Variants in F8 observed in about 807,000 individuals in gnomAD.
F8 encodes coagulation factor VIII.
F8 carries 12 observed loss-of-function variants against 140.6 expected under a neutral mutation model. That is an observed-to-expected ratio of 0.09 (90% CI 0.05 to 0.14). The LOEUF (loss-of-function observed/expected upper bound fraction) is 0.14. F8 is among the 10% of genes least tolerant of loss of function. The probability of loss-of-function intolerance (pLI) is 1.00; values close to 1 mark genes in which losing one functional copy is unlikely to be tolerated. For synonymous variants in F8, 585 were observed against 614.6 expected, an observed-to-expected ratio of 0.95 and a Z score of 0.71; for missense variants, 1,354 against 1,720.7, an observed-to-expected ratio of 0.79 and a Z score of 3.77.
At chrX:154,873,937 A>ATT (rs1314723717) in intron 22 of F8, among the ~76,000 whole-genome samples, 1 of 112,185 alleles carries the variant, frequency 8.9e-6, no homozygotes, top group East Asian at 2.8e-4. Context: ...TTGGGCAATA[A>ATT]TTTTTTTATA....
At chrX:155,009,515 T>A (rs1183605650) in intron 1 of F8, among the ~76,000 whole-genome samples, 1 of 110,798 alleles carries the variant, frequency 9.0e-6, no homozygotes, top group Non-Finnish European at 1.9e-5. Context: ...GGCGGGAGGA[T>A]CACCTGAGGT....
intron 4 of F8, among the ~76,000 whole-genome samples, chrX:154,989,989 T>G (rs782103745): frequency 8.9e-6 from 1 of 112,459 alleles, no homozygotes; most frequent in South Asian, 3.7e-4. Context: ...GATTACAGAT[T>G]TGTACTACTT....
intron 6 of F8, among the ~76,000 whole-genome samples, chrX:154,976,888 T>G (rs1303149135): frequency 4.5e-5 from 5 of 111,782 alleles, no homozygotes; most frequent in African/African-American, 1.6e-4. Flanking sequence ...TTCAAGGTAA[T>G]TTTTGATAGG....
chrX:154,841,208 C>CTTTTTTTTT (rs1168917544), intron 25 of F8, among the ~76,000 whole-genome samples: 6 of 48,657 alleles, frequency 1.2e-4, no homozygotes, highest in African/African-American at 3.9e-4. Flanking sequence ...TTGCTTTCTT[C>CTTTTTTTTT]TTTTTTTTTT....
intron 5 of F8, among the ~76,000 whole-genome samples, chrX:154,985,056 T>C (rs1338988568): frequency 8.9e-6 from 1 of 112,395 alleles, no homozygotes; most frequent in Non-Finnish European, 1.9e-5. Flanking sequence ...GAATGGATAA[T>C]AATAGAAGAC....
At chrX:154,941,015 G>A (rs1024636789) in intron 13 of F8, among the ~76,000 whole-genome samples, 3 of 112,002 alleles carry the variant, frequency 2.7e-5, no homozygotes, top group African/African-American at 9.8e-5. Context: ...TCTGAAGGAA[G>A]CACTAAACAT....
chrX:154,860,088 T>A (rs782760965), intron 25 of F8, among the ~76,000 whole-genome samples: 1 of 111,869 alleles, frequency 8.9e-6, no homozygotes, highest in Non-Finnish European at 1.9e-5. Flanking sequence ...CTTTATGTCA[T>A]GTCTTTTAAT....
In F8 at chrX:154,909,616, A is replaced by G. The variant is rs1049972195; in HGVS notation, c.5220-3043T>C. 3.4e-5 allele frequency: 4 copies of G among 117,842 alleles called. No homozygotes were observed. In the South Asian group the frequency reaches 1.3e-3, roughly 39 times the overall value. 9.7% of individuals were successfully genotyped at this position (117,842 alleles called of 1,213,427 possible). On this transcript the variant is annotated intron_variant, in intron 14 of 25. Transcript: ENST00000360256. ...GTGTGTAAACCAGAAGGGCATGCTC[A>G]TGGGTCTGCCCGTTCTTAAAGATAC...
chrX:154,927,336 G>C (rs1428167648), intron 14 of F8, among the ~76,000 whole-genome samples: 2 of 111,665 alleles, frequency 1.8e-5, no homozygotes, highest in Admixed American at 9.5e-5. Context: ...ATCTAGTGGA[G>C]AGATAAATTG....
chrX:154,848,546 A>G (rs997977333), intron 25 of F8, among the ~76,000 whole-genome samples: 2 of 112,332 alleles, frequency 1.8e-5, no homozygotes, highest in Non-Finnish European at 3.8e-5. Flanking sequence ...CTGCTGTGCT[A>G]GCAATGAGCG....
chrX:154,918,458 G>A (rs782488423), intron 14 of F8, among the ~76,000 whole-genome samples: 81 of 110,904 alleles, frequency 7.3e-4, no homozygotes, highest in African/African-American at 2.3e-3. Context: ...TGATTTTTCT[G>A]CAAAGGAACC....
intron 6 of F8, among the ~76,000 whole-genome samples, chrX:154,970,579 T>C (rs1450304773): frequency 2.7e-5 from 3 of 111,849 alleles, no homozygotes; most frequent in Non-Finnish European, 5.6e-5. Flanking sequence ...GATCTGATTG[T>C]AGTATCCGCC....
At chrX:154,950,540 T>C (rs1340470410) in intron 12 of F8, among the ~76,000 whole-genome samples, 1 of 112,089 alleles carries the variant, frequency 8.9e-6, no homozygotes, top group Non-Finnish European at 1.9e-5. Flanking sequence ...CTCTATCCAA[T>C]CTTTTTAAAT....
chrX:154,976,414 T>A (rs1395674370), intron 6 of F8, among the ~76,000 whole-genome samples: 2 of 111,457 alleles, frequency 1.8e-5, no homozygotes, highest in African/African-American at 6.5e-5. Flanking sequence ...TGTCTTTTTT[T>A]AAATTTTTTT....
At chrX:155,002,232 T>C (rs1292113650) in intron 1 of F8, among the ~76,000 whole-genome samples, 2 of 112,855 alleles carry the variant, frequency 1.8e-5, no homozygotes, top group African/African-American at 6.4e-5. Flanking sequence ...CATCTGTCAA[T>C]AGACACTTGC....
intron 12 of F8, among the ~76,000 whole-genome samples, chrX:154,951,554 T>C (rs945594595): frequency 1.8e-5 from 2 of 112,272 alleles, no homozygotes; most frequent in African/African-American, 6.5e-5. Context: ...CTTATTCATA[T>C]TGTTGTGTAT....
At chrX:154,984,407 G>T (rs2073546099) in intron 6 of F8, among the ~76,000 whole-genome samples, 1 of 111,351 alleles carries the variant, frequency 9.0e-6, no homozygotes, top group African/African-American at 3.3e-5. Context: ...CCATATTTTA[G>T]GTTCTTTTTA....
intron 1 of F8, among the ~76,000 whole-genome samples, chrX:155,021,803 A>G (rs2073761661): frequency 1.8e-5 from 2 of 111,941 alleles, no homozygotes; most frequent in Non-Finnish European, 3.8e-5. Context: ...CTATGAAAGT[A>G]TAGACCAAAA....
At chrX:154,933,210 A>C (rs2073207250) in intron 13 of F8, among the ~76,000 whole-genome samples, 1 of 112,508 alleles carries the variant, frequency 8.9e-6, no homozygotes, top group Non-Finnish European at 1.9e-5. Context: ...CAATAAAATA[A>C]ATAACCAAAT....
Sources: allele counts gnomAD v4.1 joint callset (sites outside exome capture counted in the v4.1 genomes callset), GRCh38; gene constraint gnomAD v4.1.1; transcripts MANE v1.5; gene names NCBI Gene and HGNC (gene_info 2026-07-23, HGNC 2026-07-21).